ALK: variants seen among roughly 807,000 people sequenced by gnomAD.
The protein encoded by ALK is ALK tyrosine kinase receptor.
Under a neutral mutation model 163.1 loss-of-function variants are expected in ALK, and 74 were observed. That is an observed-to-expected ratio of 0.45 (90% CI 0.38 to 0.55). The LOEUF is 0.55. Ranked by LOEUF, ALK falls within the 20% of genes least tolerant of loss-of-function variation. The pLI is 0.00. For synonymous variants in ALK, 960 were observed against 843.2 expected, an observed-to-expected ratio of 1.14 and a Z score of -2.40; for missense variants, 2,063 against 2,105.3, an observed-to-expected ratio of 0.98 and a Z score of 0.39.
chr2:29,886,175 T>C (rs1420121966), intron 1 of ALK, among the ~76,000 whole-genome samples: 1 of 152,242 alleles, frequency 6.6e-6, no homozygotes, highest in Non-Finnish European at 1.5e-5. Flanking sequence ...GCTTATTTTA[T>C]TGTAAGAACA....
chr2:29,470,109 G>A (rs928672826), intron 4 of ALK, among the ~76,000 whole-genome samples: 6 of 152,058 alleles, frequency 3.9e-5, no homozygotes, highest in Non-Finnish European at 7.4e-5. Context: ...TTCAATAGAT[G>A]AGTTTAACAG....
At chr2:29,200,717 A>G (rs1669135891) in intron 26 of ALK, among the ~76,000 whole-genome samples, 1 of 147,670 alleles carries the variant, frequency 6.8e-6, no homozygotes, top group South Asian at 2.1e-4. Flanking sequence ...TCAAATATAC[A>G]TACGTATATA....
At chr2:29,425,610 C>T (rs929226256) in intron 4 of ALK, among the ~76,000 whole-genome samples, 2 of 152,136 alleles carry the variant, frequency 1.3e-5, no homozygotes, top group African/African-American at 4.8e-5. Context: ...ACTTACCCTG[C>T]TCAGCACTCT....
At chr2:29,317,895 T>C (rs954902882) in intron 8 of ALK, among the ~76,000 whole-genome samples, 2 of 152,220 alleles carry the variant, frequency 1.3e-5, no homozygotes, top group African/African-American at 2.4e-5. Context: ...ATGCCATTGA[T>C]GTCTTAGTGA....
At chr2:29,819,733 G>A (rs758607859) in intron 1 of ALK, among the ~76,000 whole-genome samples, 3 of 152,172 alleles carry the variant, frequency 2.0e-5, no homozygotes, top group East Asian at 1.9e-4. Context: ...GTTCTTATTT[G>A]CTGAAAGGAC....
chr2:29,319,117 T>G (rs1385498906), intron 7 of ALK: 1 of 152,340 alleles, frequency 6.6e-6, no homozygotes, highest in African/African-American at 2.4e-5. Flanking sequence ...TCACTTCTTA[T>G]ATTTTCTAAG....
intron 1 of ALK, among the ~76,000 whole-genome samples, chr2:29,892,100 T>C (rs1333339275): frequency 6.6e-6 from 1 of 152,198 alleles, no homozygotes; most frequent in Non-Finnish European, 1.5e-5. Context: ...CATGGAAGGA[T>C]GTGGTTTCCT....
At chr2:29,657,739 G>A (rs547882904) in intron 3 of ALK, among the ~76,000 whole-genome samples, 7 of 152,182 alleles carry the variant, frequency 4.6e-5, no homozygotes, top group East Asian at 1.9e-4. Context: ...GTTAGGTCAC[G>A]GTGGCTAAAG....
At chr2:29,855,155 T>A (rs1666107627) in intron 1 of ALK, among the ~76,000 whole-genome samples, 1 of 152,250 alleles carries the variant, frequency 6.6e-6, no homozygotes, top group South Asian at 2.1e-4. Flanking sequence ...TCAATATTTA[T>A]TGAATGAAGC....
intron 13 of ALK, among the ~76,000 whole-genome samples, chr2:29,236,017 A>ATTTTT (rs771017409): frequency 0.076 from 9,586 of 126,128 alleles, 455 homozygotes; most frequent in Non-Finnish European, 0.11. Context: ...TAATTTTTGT[A>ATTTTT]TTTTTTTTTT....
chr2:29,782,978 C>T (rs1337510419), intron 1 of ALK, among the ~76,000 whole-genome samples: 1 of 152,214 alleles, frequency 6.6e-6, no homozygotes, highest in African/African-American at 2.4e-5. Flanking sequence ...TTACTCAAAA[C>T]ATCTTTCTTT....
At chr2:29,378,597 A>T (rs1354309157) in intron 5 of ALK, among the ~76,000 whole-genome samples, 1 of 152,162 alleles carries the variant, frequency 6.6e-6, no homozygotes, top group African/African-American at 2.4e-5. Context: ...TGAATGAGTT[A>T]ATATATGTAC....
At chr2:29,272,011 G>A (rs1665402012) in intron 11 of ALK, among the ~76,000 whole-genome samples, 1 of 152,186 alleles carries the variant, frequency 6.6e-6, no homozygotes. Context: ...TTGAGGAAGG[G>A]TCCTTGGGCC....
intron 4 of ALK, among the ~76,000 whole-genome samples, chr2:29,458,741 T>C (rs1000069092): frequency 9.9e-5 from 15 of 152,176 alleles, no homozygotes; most frequent in Non-Finnish European, 2.1e-4. Flanking sequence ...TGAATTCTCC[T>C]GGTGCTGGAG....
At chr2:29,804,359 G>C (rs1330804287) in intron 1 of ALK, among the ~76,000 whole-genome samples, 1 of 152,164 alleles carries the variant, frequency 6.6e-6, no homozygotes, top group Non-Finnish European at 1.5e-5. Context: ...ATCTAGAATG[G>C]GCCTGGATAC....
intron 20 of ALK, 138 bp from the exon 21 acceptor site, chr2:29,222,745 C>T (rs1198383542): frequency 4.2e-6 from 3 of 709,736 alleles, no homozygotes; most frequent in African/African-American, 3.6e-5. Context: ...AGGAGTAATA[C>T]CCTCAACATG....
intron 9 of ALK, among the ~76,000 whole-genome samples, chr2:29,280,815 G>A (rs796087862): frequency 4.7e-5 from 7 of 150,446 alleles, no homozygotes; most frequent in African/African-American, 1.7e-4. Flanking sequence ...GGAGGTTATG[G>A]TATGTGCCAG....
At chr2:29,634,735 G>A (rs1676474376) in intron 3 of ALK, among the ~76,000 whole-genome samples, 1 of 152,100 alleles carries the variant, frequency 6.6e-6, no homozygotes, top group Non-Finnish European at 1.5e-5. Context: ...ACTAACGACT[G>A]CTATTCAATA....
chr2:29,490,819 T>C, intron 4 of ALK, among the ~76,000 whole-genome samples: 1 of 152,230 alleles, frequency 6.6e-6, no homozygotes. Flanking sequence ...AACCATCTCA[T>C]GGCAGATCTA....
Sources: gnomAD v4.1 joint callset for allele counts (sites outside exome capture counted in the v4.1 genomes callset) on GRCh38, gnomAD v4.1.1 for gene constraint, MANE v1.5 for transcripts, NCBI Gene and HGNC (gene_info 2026-07-23, HGNC 2026-07-21) for gene names.